Variants in PCOLCE2 observed in about 807,000 individuals in gnomAD.
PCOLCE2 encodes procollagen C-endopeptidase enhancer 2.
Under a neutral mutation model 47.0 loss-of-function variants are expected in PCOLCE2, and 42 were observed. The ratio of observed to expected loss-of-function variants is 0.89; its 90% CI spans 0.70 to 1.16. PCOLCE2 has a LOEUF of 1.16. PCOLCE2 is among the 50% of genes most tolerant of loss of function. The pLI, the probability that PCOLCE2 is intolerant of heterozygous loss-of-function variation, is 0.00. For missense variants in PCOLCE2, 500 were observed against 526.1 expected (o/e 0.95, Z 0.49); for synonymous variants, 169 against 191.7 (o/e 0.88, Z 0.98).
chr3:142,856,218 T>A (rs1223511612), intron 2 of PCOLCE2, among the ~76,000 whole-genome samples: 1 of 152,280 alleles, frequency 6.6e-6, no homozygotes, highest in African/African-American at 2.4e-5. Flanking sequence ...TAGACGTAGA[T>A]GATTTGGAGC....
rs747452636 is a variant in PCOLCE2, at chr3:142,829,693, C to A, written c.864G>T (p.Thr288=). The A allele has an allele frequency of 6.4e-7, 1 of 1,566,876 alleles. No homozygotes were observed. Among genetic ancestry groups the A allele is most frequent in the Admixed American group, 1.9e-5 (1 of 53,660 alleles). ...AAACTTCCAAACAGGAAAACTTACC[C>A]GTGGTTACAGGGAATGTGGTGGTGA... ...QPVTTTFPVT[T]GLKPTVALCQ... The change falls in exon 6 of 9, where the codon ACG becomes ACT. Residue 288 remains threonine, a splice_region_variant and synonymous_variant. Coordinates refer to ENST00000295992, the MANE Select transcript of PCOLCE2 (RefSeq NM_013363.4).
In PCOLCE2 at chr3:142,842,164, T is replaced by G. The variant is rs923765498; in HGVS notation, c.573+760A>C. Among the ~76,000 whole-genome samples the G allele has an allele frequency of 2.0e-5, 3 of 152,242 alleles. No homozygotes were observed. The highest frequency in any genetic ancestry group is 3.8e-4 in the East Asian group (2 of 5,200). ...AAGAGATAATGTGGCTTGCTTTTGT[T>G]GGCTTTGTTGAGGCAAAGCATCCAC... On this transcript the variant is annotated intron_variant, in intron 4 of 8. Transcript: ENST00000295992. This position sits in a 1 kb window ranked among gnomAD's most constrained non-coding sequence, Gnocchi z 4.1.
chr3:142,846,961 A>C (rs1379235405), intron 3 of PCOLCE2, among the ~76,000 whole-genome samples: 3 of 152,218 alleles, frequency 2.0e-5, no homozygotes, highest in Non-Finnish European at 2.9e-5. Flanking sequence ...CCTTGAGATC[A>C]GTTCTTATTG....
Position 142,879,830 on chromosome 3 carries a change from C to T in PCOLCE2, c.192+7839G>A, listed in dbSNP as rs6792280. Among the ~76,000 whole-genome samples the T allele has an allele frequency of 6.2e-3, 949 of 151,914 alleles. 10 individuals carry two copies. The highest frequency in any genetic ancestry group is 0.02 in the Middle Eastern group (6 of 294). On this transcript the variant is annotated intron_variant, in intron 2 of 8. Coordinates refer to ENST00000295992, the MANE Select transcript of PCOLCE2 (RefSeq NM_013363.4). ...TAAAAAATACAAAAAATTAGGCAGG[C>T]GTGGTGGGGGGGCGCCTGTAGTCCC... is the stretch of plus-strand genomic sequence containing the variant.
At position 142,842,603 on chromosome 3, in the gene PCOLCE2, G is replaced by C. The variant is rs565597273; in HGVS notation, c.573+321C>G. Among the ~76,000 whole-genome samples the C allele has an allele frequency of 6.6e-6, 1 of 152,204 alleles. No homozygotes were observed. The highest frequency in any genetic ancestry group is 1.5e-5 in the Non-Finnish European group (1 of 68,026). On this transcript the variant is annotated intron_variant, in intron 4 of 8. Coordinates refer to ENST00000295992, the MANE Select transcript of PCOLCE2 (RefSeq NM_013363.4). The surrounding 1 kb of genome is among the most constrained non-coding windows in gnomAD (Gnocchi z 4.1). Reference sequence around the variant, plus strand: ...AAAAATACAAAATTAGCCGGGCGTGGTGGCGCGTGCCTGTAATCTCAGCTA... The same window carrying C: ...AAAAATACAAAATTAGCCGGGCGTGCTGGCGCGTGCCTGTAATCTCAGCTA...
intron 2 of PCOLCE2, among the ~76,000 whole-genome samples, chr3:142,855,450 A>G (rs1933042693): frequency 6.6e-6 from 1 of 152,206 alleles, no homozygotes; most frequent in Admixed American, 6.5e-5. Context: ...GGGAGGAAGA[A>G]ATGGCTGACA....
intron 6 of PCOLCE2, 42 bp from the exon 7 acceptor site, chr3:142,823,657 A>T: frequency 1.7e-6 from 2 of 1,150,474 alleles, no homozygotes; most frequent in Non-Finnish European, 2.6e-6. Context: ...AAATGAATTC[A>T]AGCATAATTG....
intron 5 of PCOLCE2, among the ~76,000 whole-genome samples, chr3:142,831,218 A>C (rs980715543): frequency 6.6e-6 from 1 of 152,250 alleles, no homozygotes; most frequent in African/African-American, 2.4e-5. Flanking sequence ...GCCCTCAGGA[A>C]TGGATTCATC....
intron 5 of PCOLCE2, among the ~76,000 whole-genome samples, chr3:142,835,808 A>AT (rs1271208410): frequency 6.6e-6 from 1 of 151,880 alleles, no homozygotes; most frequent in African/African-American, 2.4e-5. Flanking sequence ...TTCCCAGTTA[A>AT]TTTTTTTAAA....
At chr3:142,820,785 C>A in intron 8 of PCOLCE2, 93 bp downstream of exon 8, 1 of 1,054,960 alleles carries the variant, frequency 9.5e-7, no homozygotes, top group Non-Finnish European at 1.4e-6. Flanking sequence ...AAGAAGTGGG[C>A]AACATATTAG....
chr3:142,847,503 G>A (rs952722880), intron 3 of PCOLCE2, among the ~76,000 whole-genome samples: 1 of 152,160 alleles, frequency 6.6e-6, no homozygotes, highest in Non-Finnish European at 1.5e-5. Context: ...ACGCTTGGGA[G>A]CTCACTATAT....
chr3:142,862,329 T>C (rs1933195634), intron 2 of PCOLCE2, among the ~76,000 whole-genome samples: 1 of 152,220 alleles, frequency 6.6e-6, no homozygotes, highest in African/African-American at 2.4e-5. Flanking sequence ...TGTTTCCTAC[T>C]GACACCTCCC....
At chr3:142,878,418 G>C (rs1346218380) in intron 2 of PCOLCE2, among the ~76,000 whole-genome samples, 2 of 152,134 alleles carry the variant, frequency 1.3e-5, no homozygotes. Flanking sequence ...CCCTCAAAGT[G>C]CTATTGCCAC....
chr3:142,827,279 G>T, intron 6 of PCOLCE2: 1 of 1,292,532 alleles, frequency 7.7e-7, no homozygotes. Flanking sequence ...CCATACTCGT[G>T]GCCACCAGTT....
Position 142,843,009 on chromosome 3 carries a change from C to A in PCOLCE2, c.488G>T (p.Gly163Val). The change falls in exon 4 of 9, where the codon GGC (glycine) becomes GTC (valine). Residue 163 changes from glycine (G) to valine (V), a missense_variant. Coordinates refer to ENST00000295992, the MANE Select transcript of PCOLCE2 (RefSeq NM_013363.4). ...YCGGLLDRPS[G>V]SFKTPNWPDR... ...TGGCCAGTTGGGGGTTTTAAAAGAG[C>A]CGGAAGGTCTGTCAAGGAGTCCTCC... is the stretch of plus-strand genomic sequence containing the variant. 1.2e-6 allele frequency: 2 copies of A among 1,613,772 alleles called. No homozygotes were observed. The highest frequency in any genetic ancestry group is 2.2e-5 in the South Asian group (2 of 91,060).
intron 2 of PCOLCE2, among the ~76,000 whole-genome samples, chr3:142,863,242 TA>T (rs1311915923): frequency 5.3e-5 from 8 of 151,884 alleles, no homozygotes; most frequent in Middle Eastern, 3.2e-3. Flanking sequence ...ACATTGAAGA[TA>T]GCTTCAGGGT....
rs540489022 is a variant in PCOLCE2 at position 142,865,857 on chromosome 3, C to G, written c.193-17385G>C. Among the ~76,000 whole-genome samples the G allele has an allele frequency of 9.9e-5, 15 of 152,226 alleles. No individual in the cohort carries two copies. The East Asian group carries it at 2.5e-3, about 25-fold the overall frequency. On this transcript the variant is annotated intron_variant, in intron 2 of 8. Coordinates refer to ENST00000295992, the MANE Select transcript of PCOLCE2 (RefSeq NM_013363.4). ...CTTTTAATCTAAGGCTTATTTTTCT[C>G]TTTTTAAAAAAGTAGTTCACTTAAT...
At chr3:142,888,033 G>A (rs919703777) in intron 1 of PCOLCE2, among the ~76,000 whole-genome samples, 3 of 152,102 alleles carry the variant, frequency 2.0e-5, no homozygotes, top group Admixed American at 6.5e-5. Flanking sequence ...TCAAGTCCTC[G>A]GCATTGTGGC....
intron 2 of PCOLCE2, among the ~76,000 whole-genome samples, chr3:142,849,939 T>C (rs1008410500): frequency 6.6e-6 from 1 of 152,034 alleles, no homozygotes; most frequent in African/African-American, 2.4e-5. Context: ...TTGCTTTTTG[T>C]GTCAAACACA....
Sources: gnomAD v4.1 joint callset for allele counts (sites outside exome capture counted in the v4.1 genomes callset) on GRCh38, gnomAD v4.1.1 for gene constraint, Gnocchi (gnomAD v3.1) non-coding constraint, MANE v1.5 for transcripts, NCBI Gene and HGNC (gene_info 2026-07-23, HGNC 2026-07-21) for gene names.